Variants in ZC3H12B observed in about 807,000 individuals in gnomAD.
The protein encoded by ZC3H12B is probable ribonuclease ZC3H12B.
ZC3H12B carries 7 observed loss-of-function variants against 43.9 expected under a neutral mutation model. The observed-to-expected ratio is 0.16, with a 90% CI of 0.09 to 0.30. ZC3H12B has a LOEUF of 0.30. Among genes scored for constraint, ZC3H12B ranks in the 10% least tolerant of loss-of-function variants. The pLI is 1.00. For missense variants in ZC3H12B, 475 were observed against 670.2 expected (o/e 0.71, Z 3.22); for synonymous variants, 222 against 241.7 (o/e 0.92, Z 0.76).
chrX:65,404,348 GAGTA>G (rs2066798364), intron 3 of ZC3H12B, among the ~76,000 whole-genome samples: 1 of 89,572 alleles, frequency 1.1e-5, no homozygotes, highest in South Asian at 3.8e-4. Context: ...AAAATGGCAG[GAGTA>G]AGTCTTTATC....
the ZC3H12B span, among the ~76,000 whole-genome samples, chrX:65,116,642 T>C: frequency 9.1e-6 from 1 of 110,454 alleles, no homozygotes; most frequent in Non-Finnish European, 1.9e-5. Flanking sequence ...TGTATACATG[T>C]GCCATGTTGG....
chrX:65,234,477 A>G, the ZC3H12B span, among the ~76,000 whole-genome samples: 6 of 111,980 alleles, frequency 5.4e-5, no homozygotes, highest in African/African-American at 1.9e-4. Context: ...TTTCACCACT[A>G]TTATTCAACA....
At chrX:65,189,831 G>T in the ZC3H12B span, among the ~76,000 whole-genome samples, 1 of 110,777 alleles carries the variant, frequency 9.0e-6, no homozygotes. Context: ...TTTGCCTTCT[G>T]TTGCCATTGC....
the ZC3H12B span, among the ~76,000 whole-genome samples, chrX:65,190,678 T>C: frequency 9.1e-6 from 1 of 110,381 alleles, no homozygotes; most frequent in Non-Finnish European, 1.9e-5. Flanking sequence ...AAGTTGCTTA[T>C]CATCTTCAGG....
chrX:65,345,562 G>C, the ZC3H12B span, among the ~76,000 whole-genome samples: 1 of 111,206 alleles, frequency 9.0e-6, no homozygotes, highest in East Asian at 2.8e-4. Flanking sequence ...TGTGGGAGGA[G>C]GGAGAAGATC....
chrX:65,046,674 C>G, the ZC3H12B span, among the ~76,000 whole-genome samples: 7 of 111,650 alleles, frequency 6.3e-5, no homozygotes, highest in African/African-American at 2.0e-4. Flanking sequence ...AAGAACTTTT[C>G]CTTTACATTC....
the ZC3H12B span, among the ~76,000 whole-genome samples, chrX:65,102,400 G>A: frequency 1.8e-5 from 2 of 112,028 alleles, no homozygotes; most frequent in Admixed American, 1.9e-4. Context: ...TCAGGCAAGA[G>A]AAAGAAATAA....
chrX:65,403,806 C>A (rs1191437034), intron 3 of ZC3H12B, among the ~76,000 whole-genome samples: 2 of 111,289 alleles, frequency 1.8e-5, no homozygotes, highest in African/African-American at 6.5e-5. Flanking sequence ...AGAGACCTGT[C>A]CTATGGGAAA....
At chrX:65,133,296 G>T in the ZC3H12B span, among the ~76,000 whole-genome samples, 1 of 110,968 alleles carries the variant, frequency 9.0e-6, no homozygotes, top group Admixed American at 9.6e-5. Flanking sequence ...AAGTCCTGTT[G>T]TGGGGTTTGA....
At chrX:65,188,967 C>A in the ZC3H12B span, among the ~76,000 whole-genome samples, 7 of 74,643 alleles carry the variant, frequency 9.4e-5, no homozygotes, top group East Asian at 2.7e-3. Flanking sequence ...CCACCACAGT[C>A]CCCAGAGTGT....
chrX:65,120,044 C>T, the ZC3H12B span, among the ~76,000 whole-genome samples: 84 of 111,992 alleles, frequency 7.5e-4, no homozygotes, highest in African/African-American at 2.6e-3. Context: ...GTTTTGGTTA[C>T]TGTAGCCTTG....
chrX:65,093,754 C>T, the ZC3H12B span, among the ~76,000 whole-genome samples: 6 of 111,905 alleles, frequency 5.4e-5, no homozygotes, highest in African/African-American at 1.6e-4. Flanking sequence ...ATTTTACAGA[C>T]TCCTAGGTGG....
At chrX:65,112,056 T>G in the ZC3H12B span, among the ~76,000 whole-genome samples, 1 of 112,221 alleles carries the variant, frequency 8.9e-6, no homozygotes, top group African/African-American at 3.2e-5. Context: ...TAAAAGTTCT[T>G]TAAAGAAATT....
chrX:65,315,664 C>T, the ZC3H12B span, among the ~76,000 whole-genome samples: 1 of 111,550 alleles, frequency 9.0e-6, no homozygotes, highest in Non-Finnish European at 1.9e-5. Context: ...GAAAAAAATC[C>T]ATCCAAAGGA....
intron 3 of ZC3H12B, among the ~76,000 whole-genome samples, chrX:65,444,379 G>C (rs2067347430): frequency 8.9e-6 from 1 of 111,831 alleles, no homozygotes; most frequent in South Asian, 3.7e-4. Context: ...GGGCAGGTCT[G>C]TCCCATGCTG....
the ZC3H12B span, among the ~76,000 whole-genome samples, chrX:65,288,965 A>T: frequency 9.0e-6 from 1 of 111,499 alleles, no homozygotes. Context: ...GCTGAGAAGG[A>T]AATGAAGAAG....
intron 3 of ZC3H12B, among the ~76,000 whole-genome samples, chrX:65,433,684 A>G (rs1201945027): frequency 8.9e-6 from 1 of 111,866 alleles, no homozygotes. Context: ...AAGTCTGATT[A>G]TTTTCTTTTA....
chrX:65,058,247 C>G, the ZC3H12B span, among the ~76,000 whole-genome samples: 11 of 111,599 alleles, frequency 9.9e-5, no homozygotes, highest in African/African-American at 3.6e-4. Flanking sequence ...TGGTGACATA[C>G]AGATGGGGTT....
At chrX:65,165,668 G>T in the ZC3H12B span, among the ~76,000 whole-genome samples, 2 of 112,470 alleles carry the variant, frequency 1.8e-5, no homozygotes, top group Non-Finnish European at 3.8e-5. Context: ...GGGTATATGT[G>T]CCAAATTTTC....
Sources: allele counts gnomAD v4.1 joint callset (sites outside exome capture counted in the v4.1 genomes callset), GRCh38; gene constraint gnomAD v4.1.1; transcripts MANE v1.5; gene names NCBI Gene and HGNC (gene_info 2026-07-23, HGNC 2026-07-21).